Variants in SLC9C2 observed in about 807,000 individuals in gnomAD.
The protein encoded by SLC9C2 is solute carrier family 9 member C2 (putative), also known as sodium/hydrogen exchanger 11.
In SLC9C2, 75 loss-of-function variants were observed where a neutral mutation model predicts 140.2. The observed-to-expected ratio is 0.53, with a 90% CI of 0.44 to 0.65. SLC9C2 has a LOEUF of 0.65. Ranked by LOEUF, SLC9C2 falls within the 30% of genes least tolerant of loss-of-function variation. The pLI, the probability that SLC9C2 is intolerant of heterozygous loss-of-function variation, is 0.00. For synonymous variants in SLC9C2, 375 were observed against 420.9 expected (o/e 0.89, Z 1.34); for missense variants, 1,074 against 1,331.8 (o/e 0.81, Z 3.01).
intron 9 of SLC9C2, among the ~76,000 whole-genome samples, chr1:173,560,994 C>T (rs958374371): frequency 5.3e-5 from 8 of 152,028 alleles, no homozygotes; most frequent in African/African-American, 1.7e-4. Flanking sequence ...CAGGGTTTCA[C>T]CATGTTGGCC....
intron 9 of SLC9C2, among the ~76,000 whole-genome samples, chr1:173,559,225 A>G (rs1326368042): frequency 6.6e-6 from 1 of 152,210 alleles, no homozygotes; most frequent in Non-Finnish European, 1.5e-5. Context: ...GCCTATACAG[A>G]TAGTCAATTC....
At chr1:173,531,482 A>G (rs372316677) in intron 17 of SLC9C2, among the ~76,000 whole-genome samples, 12 of 152,300 alleles carry the variant, frequency 7.9e-5, no homozygotes, top group African/African-American at 2.9e-4. Flanking sequence ...CCCAACTACC[A>G]CCAGACTCCT....
chr1:173,510,198 C>A (rs1333107687), intron 23 of SLC9C2, among the ~76,000 whole-genome samples: 1 of 152,152 alleles, frequency 6.6e-6, no homozygotes, highest in African/African-American at 2.4e-5. Flanking sequence ...AATGAAATGA[C>A]ATGAAATAGC....
intron 21 of SLC9C2, 52 bp from the exon 22 acceptor site, chr1:173,521,451 T>G (rs932935765): frequency 4.0e-6 from 3 of 752,894 alleles, no homozygotes; most frequent in Non-Finnish European, 5.9e-6. Flanking sequence ...CACAAAAGCT[T>G]CCTAGTCTAC....
chr1:173,550,440 A>ATTTTTTTT (rs1304209360), intron 11 of SLC9C2, among the ~76,000 whole-genome samples: 1 of 124,214 alleles, frequency 8.1e-6, no homozygotes, highest in African/African-American at 3.7e-5. Flanking sequence ...TTATTTATTT[A>ATTTTTTTT]TTTATTTATT....
intron 21 of SLC9C2, 76 bp from the exon 22 acceptor site, chr1:173,521,475 T>TTATATA (rs1202933683): frequency 9.2e-5 from 24 of 260,884 alleles, no homozygotes; most frequent in Admixed American, 1.9e-4. Context: ...TCTAAATATT[T>TTATATA]TCTATATATA....
At chr1:173,570,112 C>T (rs1188495363) in intron 9 of SLC9C2, among the ~76,000 whole-genome samples, 1 of 152,140 alleles carries the variant, frequency 6.6e-6, no homozygotes, top group Admixed American at 6.5e-5. Context: ...TAGGCCTGGA[C>T]TTGGGACCCC....
At chr1:173,575,328 GA>G (rs1665105827) in intron 8 of SLC9C2, among the ~76,000 whole-genome samples, 1 of 152,068 alleles carries the variant, frequency 6.6e-6, no homozygotes, top group African/African-American at 2.4e-5. Context: ...CAGACATTAA[GA>G]AAGGATTGGT....
Position 173,506,843 on chromosome 1 carries a change from T to G in SLC9C2, c.3225+13A>C. 1 of 1,604,568 alleles carries G rather than the reference T, an allele frequency of 6.2e-7. No homozygotes were observed. The highest frequency in any genetic ancestry group is 8.5e-7 in the Non-Finnish European group (1 of 1,176,056). On this transcript the variant is annotated intron_variant, in intron 25 of 27. Transcript: ENST00000367714. ...TGAAGAGCAAGAGACTCTTTAGAAA[T>G]GATATTTCTTACCTGCTCACAGGTT...
intron 17 of SLC9C2, among the ~76,000 whole-genome samples, chr1:173,531,558 A>G (rs540833804): frequency 6.6e-6 from 1 of 152,282 alleles, no homozygotes; most frequent in South Asian, 2.1e-4. Flanking sequence ...CAGCATAAAC[A>G]CTATCCTATA....
intron 7 of SLC9C2, 62 bp from the exon 8 acceptor site, chr1:173,576,822 A>T: frequency 1.0e-6 from 1 of 978,874 alleles, no homozygotes; most frequent in East Asian, 2.5e-5. Context: ...ACACTGAGAC[A>T]CTTTATCTTG....
chr1:173,527,230 C>T (rs555174255), intron 18 of SLC9C2, among the ~76,000 whole-genome samples: 4 of 152,280 alleles, frequency 2.6e-5, no homozygotes, highest in Admixed American at 2.6e-4. Flanking sequence ...TCATTTCTTC[C>T]CTCTGGGTCA....
Position 173,535,386 on chromosome 1 carries a change from T to C in SLC9C2, c.1775+444A>G, listed in dbSNP as rs377096764. 3.0e-4 allele frequency among the ~76,000 whole-genome samples: 45 copies of C among 152,350 alleles called. No homozygotes were observed. The Middle Eastern group carries it at 0.01, about 35-fold the overall frequency. ...GTTAAGTAAAATCTGTGTTTTGTGATATTTTGGAAAATTGGTTACAGGTAT... is the reference window on the plus strand; with the variant it reads ...GTTAAGTAAAATCTGTGTTTTGTGACATTTTGGAAAATTGGTTACAGGTAT... On this transcript the variant is annotated intron_variant, in intron 15 of 27. Transcript: ENST00000367714.
chr1:173,526,643 C>G lies in SLC9C2; in HGVS notation c.2365+20G>C. 1 of 1,576,420 alleles carries G rather than the reference C, an allele frequency of 6.3e-7. No individual in the cohort carries two copies. The highest frequency in any genetic ancestry group is 8.6e-7 in the Non-Finnish European group (1 of 1,164,290). ...ACAATAAGGTATGACTTTAAGAACT[C>G]AGATACTTCAACTACCTACCTAATT... On this transcript the variant is annotated intron_variant, in intron 19 of 27. Transcript: ENST00000367714.
At chr1:173,574,928 G>C (rs1405723454) in intron 8 of SLC9C2, among the ~76,000 whole-genome samples, 3 of 152,046 alleles carry the variant, frequency 2.0e-5, no homozygotes, top group Non-Finnish European at 4.4e-5. Flanking sequence ...AGACCAGACT[G>C]GGAAACACGG....
chr1:173,519,412 GA>G, intron 22 of SLC9C2, among the ~76,000 whole-genome samples: 1 of 152,140 alleles, frequency 6.6e-6, no homozygotes, highest in East Asian at 1.9e-4. Context: ...CTGACATCTA[GA>G]TTTCAGCTTC....
At chr1:173,576,829 C>G in intron 7 of SLC9C2, 69 bp from the exon 8 acceptor site, 1 of 934,042 alleles carries the variant, frequency 1.1e-6, no homozygotes. Flanking sequence ...GACACTTTAT[C>G]TTGAATAAAG....
intron 7 of SLC9C2, among the ~76,000 whole-genome samples, chr1:173,579,511 A>G (rs1558085948): frequency 6.6e-6 from 1 of 152,004 alleles, no homozygotes; most frequent in East Asian, 1.9e-4. Context: ...AACTAGAACC[A>G]AGGTCCTGGC....
intron 7 of SLC9C2, among the ~76,000 whole-genome samples, chr1:173,578,359 T>A (rs960155644): frequency 6.6e-6 from 1 of 152,130 alleles, no homozygotes; most frequent in East Asian, 1.9e-4. Flanking sequence ...ATGAAAGAAA[T>A]GTAATATTAA....
Sources: gnomAD v4.1 joint callset for allele counts (sites outside exome capture counted in the v4.1 genomes callset) on GRCh38, gnomAD v4.1.1 for gene constraint, MANE v1.5 for transcripts, NCBI Gene and HGNC (gene_info 2026-07-23, HGNC 2026-07-21) for gene names.